Variants in ZNF804A observed in about 807,000 individuals in gnomAD.
ZNF804A encodes the protein zinc finger protein 804A.
In ZNF804A, 2 loss-of-function variants were observed where a neutral mutation model predicts 16.5. The ratio of observed to expected loss-of-function variants is 0.12; its 90% confidence interval spans 0.05 to 0.38. ZNF804A has a LOEUF of 0.38. Among genes scored for constraint, ZNF804A ranks in the 10% least tolerant of loss-of-function variants. The pLI is 0.99. For missense variants in ZNF804A, 1,473 were observed against 1,390.7 expected (o/e 1.06, Z -0.94); for synonymous variants, 534 against 489.6 (o/e 1.09, Z -1.20).
intron 2 of ZNF804A, among the ~76,000 whole-genome samples, chr2:184,894,239 A>C (rs1685031433): frequency 6.6e-6 from 1 of 152,176 alleles, no homozygotes; most frequent in African/African-American, 2.4e-5. Context: ...TACTCGGTGA[A>C]GGGGTATGCC....
At chr2:184,710,302 AT>A in intron 1 of ZNF804A, among the ~76,000 whole-genome samples, 1 of 151,364 alleles carries the variant, frequency 6.6e-6, no homozygotes, top group Non-Finnish European at 1.5e-5. Flanking sequence ...TTACAATAAT[AT>A]TTTTCCTACT....
At chr2:184,846,923 A>C (rs1695524869) in intron 1 of ZNF804A, among the ~76,000 whole-genome samples, 1 of 152,130 alleles carries the variant, frequency 6.6e-6, no homozygotes, top group Non-Finnish European at 1.5e-5. Context: ...GCTGAGGCTT[A>C]TGGGAACTAT....
chr2:184,829,912 A>C (rs1208889869), intron 1 of ZNF804A, among the ~76,000 whole-genome samples: 3 of 114,708 alleles, frequency 2.6e-5, no homozygotes, highest in South Asian at 2.4e-4. Context: ...AAAAAAAAAA[A>C]AAAAAAAAAA....
chr2:184,612,594 C>A (rs1691255809), intron 1 of ZNF804A, among the ~76,000 whole-genome samples: 1 of 152,064 alleles, frequency 6.6e-6, no homozygotes, highest in South Asian at 2.1e-4. Context: ...ACCACCAAGT[C>A]TGGCTAATTT....
chr2:184,938,933 T>C lies in ZNF804A; in HGVS notation c.3537T>C (p.Pro1179=). 1.2e-6 allele frequency: 2 copies of C among 1,613,990 alleles called. No individual in the cohort carries two copies. The highest frequency in any genetic ancestry group is 1.1e-5 in the South Asian group (1 of 91,076). ...TCATTCCAGCTTCCGTTCTTCATCCTAGCCATCTGGCTTTCCCATCTTTAC... is the reference window on the plus strand; with the variant it reads ...TCATTCCAGCTTCCGTTCTTCATCCCAGCCATCTGGCTTTCCCATCTTTAC... The part of the protein sequence containing the change: ...MPIIPASVLH[P]SHLAFPSLPH... The change falls in exon 4 of 4, where the codon CCT becomes CCC. Residue 1179 remains proline, a synonymous_variant. Coordinates refer to ENST00000302277, the MANE Select transcript of ZNF804A (RefSeq NM_194250.2).
At position 184,618,298 on chromosome 2, in the gene ZNF804A, T is replaced by C. The variant is rs113883614; in HGVS notation, c.111+19228T>C. 4.0e-3 allele frequency among the ~76,000 whole-genome samples: 607 copies of C among 152,272 alleles called. 2 individuals are homozygous for C. The highest frequency in any genetic ancestry group is 6.9e-3 in the Non-Finnish European group (468 of 68,002). On this transcript the variant is annotated intron_variant, in intron 1 of 3. Coordinates refer to ENST00000302277, the MANE Select transcript of ZNF804A (RefSeq NM_194250.2). ...CTTAATTAAAATTGGCATTATTGCC[T>C]ATTTATTAACTTACCAAAAAAGTTT... is the stretch of plus-strand genomic sequence containing the variant.
At position 184,938,300 on chromosome 2, in the gene ZNF804A, C is replaced by T. The variant is rs1685828896; in HGVS notation, c.2904C>T (p.Ser968=). The T allele has an allele frequency of 1.2e-6, 2 of 1,614,100 alleles. No homozygotes were observed. Among genetic ancestry groups the T allele is most frequent in the Non-Finnish European group, 1.7e-6 (2 of 1,180,006 alleles). ...ERNFRQSQPK[S]YLCHYELAEA... ...ACTTTAGACAGTCACAGCCTAAATC[C>T]TATCTTTGCCATTATGAACTGGCTG... is the stretch of plus-strand genomic sequence containing the variant. Residue 968 remains serine, a synonymous_variant, in exon 4 of 4, where the codon TCC becomes TCT. Transcript: ENST00000302277.
intron 1 of ZNF804A, among the ~76,000 whole-genome samples, chr2:184,632,288 T>C (rs1368139353): frequency 2.0e-5 from 3 of 152,214 alleles, no homozygotes; most frequent in Non-Finnish European, 4.4e-5. Context: ...ATGTTTTCAA[T>C]CAGTGAGTTT....
intron 1 of ZNF804A, among the ~76,000 whole-genome samples, chr2:184,625,150 G>A (rs1413624680): frequency 2.6e-5 from 4 of 152,074 alleles, no homozygotes; most frequent in Non-Finnish European, 5.9e-5. Flanking sequence ...GCAGAAGTGG[G>A]AGGACAAAAA....
chr2:184,832,833 T>A (rs963607759), intron 1 of ZNF804A, among the ~76,000 whole-genome samples: 2 of 152,012 alleles, frequency 1.3e-5, no homozygotes, highest in Non-Finnish European at 2.9e-5. Context: ...TTTTCCATGA[T>A]TCTCTATATT....
chr2:184,642,848 A>T (rs959541011), intron 1 of ZNF804A, among the ~76,000 whole-genome samples: 1 of 152,190 alleles, frequency 6.6e-6, no homozygotes, highest in Admixed American at 6.5e-5. Context: ...GATTCTTTGC[A>T]TGTTGAAAAC....
intron 1 of ZNF804A, among the ~76,000 whole-genome samples, chr2:184,808,808 A>C (rs1258663352): frequency 6.6e-6 from 1 of 151,808 alleles, no homozygotes; most frequent in Non-Finnish European, 1.5e-5. Context: ...ATGTTTAAAA[A>C]TTAACTATTT....
chr2:184,747,763 G>C (rs1262007242), intron 1 of ZNF804A, among the ~76,000 whole-genome samples: 1 of 150,942 alleles, frequency 6.6e-6, no homozygotes, highest in Non-Finnish European at 1.5e-5. Context: ...CTCTGATAGT[G>C]AGCATAGTAC....
intron 1 of ZNF804A, among the ~76,000 whole-genome samples, chr2:184,713,771 A>G (rs1693171565): frequency 6.6e-6 from 1 of 152,038 alleles, no homozygotes; most frequent in Non-Finnish European, 1.5e-5. Context: ...CTAGGAAACA[A>G]CTATTAAATG....
intron 1 of ZNF804A, among the ~76,000 whole-genome samples, chr2:184,717,573 C>T (rs533447168): frequency 2.1e-4 from 32 of 152,204 alleles, no homozygotes; most frequent in Middle Eastern, 3.4e-3. Flanking sequence ...TCTCTTTTGC[C>T]GCCATCCATT....
chr2:184,737,617 T>A (rs1239883024), intron 1 of ZNF804A, among the ~76,000 whole-genome samples: 1 of 152,174 alleles, frequency 6.6e-6, no homozygotes, highest in Non-Finnish European at 1.5e-5. Context: ...TTAATAAATA[T>A]GTTTAATTTT....
At chr2:184,846,791 A>G (rs1306470233) in intron 1 of ZNF804A, among the ~76,000 whole-genome samples, 1 of 152,092 alleles carries the variant, frequency 6.6e-6, no homozygotes, top group African/African-American at 2.4e-5. Context: ...TCTAATAAGT[A>G]CTGGTCACAG....
At chr2:184,600,354 T>G (rs1185253077) in intron 1 of ZNF804A, among the ~76,000 whole-genome samples, 1 of 152,202 alleles carries the variant, frequency 6.6e-6, no homozygotes, top group Non-Finnish European at 1.5e-5. Flanking sequence ...CACTTAAGAC[T>G]CACAAAAGCA....
At chr2:184,918,746 G>T (rs1685489420) in intron 2 of ZNF804A, among the ~76,000 whole-genome samples, 2 of 152,052 alleles carry the variant, frequency 1.3e-5, no homozygotes, top group Non-Finnish European at 2.9e-5. Context: ...TATGTAAAAA[G>T]ACTTTACTAT....
Sources: gnomAD v4.1 joint callset for allele counts (sites outside exome capture counted in the v4.1 genomes callset) on GRCh38, gnomAD v4.1.1 for gene constraint, MANE v1.5 for transcripts, NCBI Gene and HGNC (gene_info 2026-07-23, HGNC 2026-07-21) for gene names.